Variants in FBF1 observed in about 807,000 individuals in gnomAD.
FBF1 encodes fas-binding factor 1.
A neutral mutation model predicts 147.2 loss-of-function variants in FBF1; 119 were observed. The observed-to-expected ratio is 0.81, with a 90% CI of 0.70 to 0.94. The LOEUF (loss-of-function observed/expected upper bound fraction) is 0.94, where lower values mean the gene tolerates loss of function less well. Ranked by LOEUF, FBF1 falls within the 40% of genes least tolerant of loss-of-function variation. The pLI is 0.00. For synonymous variants in FBF1, 601 were observed against 609.0 expected, an observed-to-expected ratio of 0.99 and a Z score of 0.19; for missense variants, 1,449 against 1,500.8, an observed-to-expected ratio of 0.97 and a Z score of 0.57.
In FBF1 at chr17:75,920,339, T is replaced by G. The variant is rs2065517629; in HGVS notation, c.1765A>C (p.Ser589Arg). Residue 589 changes from serine to arginine, a missense_variant, in exon 18 of 30, where the codon AGC becomes CGC. Ser to Arg is a moderately radical substitution (Grantham distance 110). Coordinates refer to ENST00000636174, the MANE Select transcript of FBF1 (RefSeq NM_001319193.2). Reference sequence around the variant, plus strand: ...AGCTCGGCCTGGAGCTCAGCGGGGCTGCACTGAAGTTGCACCTGTGCTGCC... The same window carrying G: ...AGCTCGGCCTGGAGCTCAGCGGGGCGGCACTGAAGTTGCACCTGTGCTGCC... ...LLAAQVQLQC[S>R]PAELQAELLH... The G allele has an allele frequency of 1.1e-5, 17 of 1,610,034 alleles. No individual in the cohort carries two copies. The East Asian group carries it at 3.8e-4, about 36-fold the overall frequency.
At position 75,925,972 on chromosome 17, in the gene FBF1, A is replaced by G. The variant is rs1316933731; in HGVS notation, c.868+58T>C. The G allele has an allele frequency of 1.3e-6, 2 of 1,531,376 alleles. No homozygotes were observed. Among genetic ancestry groups the G allele is most frequent in the Admixed American group, 4.2e-5 (2 of 47,736 alleles). 94.9% of individuals were successfully genotyped at this position (1,531,376 alleles called of 1,614,324 possible). On this transcript the variant is annotated intron_variant, in intron 12 of 29. Coordinates refer to ENST00000636174, the MANE Select transcript of FBF1 (RefSeq NM_001319193.2). This position sits in a 1 kb window ranked among gnomAD's most constrained non-coding sequence, Gnocchi z 5.0. ...TGATTTCTCATTATAGGTTGTGATG[A>G]AAGCCTGATCTAGAGGCCTCCCTCC...
In FBF1 at chr17:75,937,974, C is replaced by T. The variant is rs1026592374; in HGVS notation, c.3+173G>A. The T allele has an allele frequency of 5.4e-6, 5 of 934,562 alleles. No individual in the cohort carries two copies. The Admixed American group carries it at 6.8e-5, about 13-fold the overall frequency. The allele number at this position is 934,562 out of a possible 1,614,324, so 57.9% of individuals were successfully genotyped here. A position where few individuals can be genotyped will look rare whatever the true frequency, so the allele number is the denominator to read the frequency against. ...TGGACACTCAGAGTCTCAGAAGAAA[C>T]CTTGGTCGTCGAAAGTTTGGTATCA... On this transcript the variant is annotated intron_variant, in intron 2 of 29. Coordinates refer to ENST00000636174, the MANE Select transcript of FBF1 (RefSeq NM_001319193.2).
chr17:75,915,077 C>T lies in FBF1; in HGVS notation c.2568G>A (p.Glu856=). Residue 856 remains glutamate (E), a synonymous_variant, in exon 24 of 30, where the codon GAG becomes GAA. Transcript: ENST00000636174. ...KAESMQRALE[E]QRKVTAQQMA... The stretch of plus-strand genomic sequence containing the variant: ...TCTGCTGGGCCGTGACCTTCCTTTG[C>T]TCCTCTAGGGCGCGCTGCATGGACT... 1 of 1,613,384 alleles carries T rather than the reference C, an allele frequency of 6.2e-7. No homozygotes were observed. The highest frequency in any genetic ancestry group is 8.5e-7 in the Non-Finnish European group (1 of 1,179,864).
In FBF1 at chr17:75,938,220, A is replaced by G; in HGVS notation, c.-71T>C. 1 of 1,602,098 alleles carries G rather than the reference A, an allele frequency of 6.2e-7. No individual in the cohort carries two copies. Among genetic ancestry groups the G allele is most frequent in the Non-Finnish European group, 8.5e-7 (1 of 1,171,090 alleles). On this transcript the variant is annotated 5_prime_UTR_variant, in exon 2 of 30. Transcript: ENST00000636174. ...AGCTCATCTGGATTCTGCCCACATC[A>G]GGCTCATACTCCCTAATGAAGAAAA...
At position 75,909,637 on chromosome 17, in the gene FBF1, T is replaced by C. The variant is rs1048399136; in HGVS notation, c.*1086A>G. The C allele has an allele frequency of 1.4e-5, 8 of 562,362 alleles. No individual in the cohort carries two copies. Among genetic ancestry groups the C allele is most frequent in the East Asian group, 5.6e-5 (2 of 35,530 alleles). 34.8% of individuals were successfully genotyped at this position (562,362 alleles called of 1,614,324 possible). On this transcript the variant is annotated 3_prime_UTR_variant, in exon 30 of 30. Transcript: ENST00000636174. Reference sequence around the variant, plus strand: ...AGTTTCTGCATGTTTGAAGCAGGGCTAATAGTACCCTTCTCCTGGCTGTGG... The same window carrying C: ...AGTTTCTGCATGTTTGAAGCAGGGCCAATAGTACCCTTCTCCTGGCTGTGG...
intron 4 of FBF1, 58 bp from the exon 5 acceptor site, chr17:75,933,146 T>A (rs767578629): frequency 6.6e-5 from 90 of 1,371,662 alleles, no homozygotes; most frequent in Non-Finnish European, 8.6e-5. Flanking sequence ...GGAGTCAAGA[T>A]GCAAAGGCTG....
intron 15 of FBF1, 103 bp downstream of exon 15, chr17:75,921,842 G>GGGGACA: frequency 3.8e-6 from 4 of 1,062,152 alleles, no homozygotes; most frequent in Non-Finnish European, 5.5e-6. Context: ...ACACGGGGAC[G>GGGGACA]GGGCAGGGGC....
rs61736662 is a variant in FBF1 at position 75,913,946 on chromosome 17, C to T, written c.3096G>A (p.Glu1032=). The change falls in exon 27 of 30, where the codon GAG becomes GAA. Residue 1032 remains glutamate (E), a synonymous_variant. Coordinates refer to ENST00000636174, the MANE Select transcript of FBF1 (RefSeq NM_001319193.2). ...TGTGCTGCTCCTGCTTCCGCAGCCG[C>T]TCCTGCTGTTGCTGCACCGCCTGCA... The part of the protein sequence containing the change: ...ARLQAVQQQQ[E]RLRKQEQHMH... 0.042 allele frequency: 65,775 copies of T among 1,550,712 alleles called. 1,648 individuals are homozygous for T. Among genetic ancestry groups the T allele is most frequent in the Middle Eastern group, 0.14 (833 of 5,962 alleles).
chr17:75,915,295 G>T (rs2065482055), intron 23 of FBF1, among the ~76,000 whole-genome samples, 156 bp from the exon 24 acceptor site: 1 of 152,216 alleles, frequency 6.6e-6, no homozygotes, highest in Admixed American at 6.5e-5. Flanking sequence ...TGCCTGGGAG[G>T]CACTGCCAGG....
chr17:75,927,894 C>T (rs1039771878), intron 8 of FBF1, among the ~76,000 whole-genome samples, 182 bp downstream of exon 8: 17 of 152,310 alleles, frequency 1.1e-4, no homozygotes, highest in African/African-American at 4.1e-4. Flanking sequence ...AAGCTGTCCC[C>T]TTACCCCACC....
At chr17:75,937,380 C>T (rs2065631497) in intron 3 of FBF1, among the ~76,000 whole-genome samples, 186 bp downstream of exon 3, 1 of 152,072 alleles carries the variant, frequency 6.6e-6, no homozygotes, top group Non-Finnish European at 1.5e-5. Context: ...TCGTGTTAGC[C>T]AGGATGGTCT....
At chr17:75,937,514 G>A (rs1263878164) in intron 3 of FBF1, 52 bp downstream of exon 3, 1 of 1,599,718 alleles carries the variant, frequency 6.3e-7, no homozygotes, top group Non-Finnish European at 8.6e-7. Context: ...AGGACCAAAG[G>A]GGAAAAAGAT....
At chr17:75,931,040 A>G (rs1050643367) in intron 6 of FBF1, among the ~76,000 whole-genome samples, 189 bp downstream of exon 6, 17 of 151,984 alleles carry the variant, frequency 1.1e-4, no homozygotes, top group Admixed American at 1.0e-3. Context: ...GGTTGCAGTG[A>G]GCCGAGATCA....
rs2065584981 is a variant in FBF1, at chr17:75,930,006, C to G, written c.270G>C (p.Gln90His). ...CAAGCTGTTTCCTTACCTTCATGGC[C>G]TGGAGCAGAGCCTGTGGGTCTGCCT... ...ISEADPQALLQAMKDLDGMDA... is the reference protein window; with the variant it reads ...ISEADPQALLHAMKDLDGMDA... The change falls in exon 7 of 30, where the codon CAG (glutamine) becomes CAC (histidine). Residue 90 changes from glutamine to histidine, a missense_variant. Gln to His is a conservative substitution (Grantham distance 24). Transcript: ENST00000636174. 1.4e-6 allele frequency: 2 copies of G among 1,393,036 alleles called. No individual in the cohort carries two copies. Among genetic ancestry groups the G allele is most frequent in the East Asian group, 7.3e-5 (2 of 27,484 alleles). 86.3% of individuals were successfully genotyped at this position (1,393,036 alleles called of 1,614,324 possible).
At position 75,933,135 on chromosome 17, in the gene FBF1, T is replaced by C. The variant is rs189774184; in HGVS notation, c.74-47A>G. The stretch of plus-strand genomic sequence containing the variant: ...AACGTGTCATTTAACTAAAGGTACC[T>C]GGAGTCAAGATGCAAAGGCTGGCAA... On this transcript the variant is annotated intron_variant, in intron 4 of 29. Transcript: ENST00000636174. 9 of 1,447,064 alleles carry C rather than the reference T, an allele frequency of 6.2e-6. No individual in the cohort carries two copies. In the East Asian group the frequency reaches 7.1e-5, roughly 11 times the overall value. The allele number at this position is 1,447,064 out of a possible 1,614,324, so 89.6% of individuals were successfully genotyped here. A position where few individuals can be genotyped will look rare whatever the true frequency, so the allele number is the denominator to read the frequency against.
Position 75,920,275 on chromosome 17 carries a change from T to A in FBF1, c.1829A>T (p.Gln610Leu). The A allele has an allele frequency of 1.9e-6, 3 of 1,608,840 alleles. No individual in the cohort carries two copies. The highest frequency in any genetic ancestry group is 2.5e-6 in the Non-Finnish European group (3 of 1,177,788). Residue 610 changes from glutamine (Q) to leucine (L), a missense_variant and splice_region_variant, in exon 18 of 30, where the codon CAG becomes CTG. Physicochemically the swap from Gln to Leu is moderately radical, Grantham distance 113. Coordinates refer to ENST00000636174, the MANE Select transcript of FBF1 (RefSeq NM_001319193.2). ...SQARLAELEA[Q>L]VRKLELERAQ... ...ACCAACGGCCCCGCTGCCCCTCACC[T>A]GGGCCTCCAGCTCTGCCAGCCGGGC...
rs1243306208 is a variant in FBF1 at position 75,909,990 on chromosome 17, A to C, written c.*733T>G. ...GCTGGGCTTTGGGCAGGTGAGCAGC[A>C]CAGAGGCTTCCCTCCTCGTCCCTCC... On this transcript the variant is annotated 3_prime_UTR_variant, in exon 30 of 30. Transcript: ENST00000636174. 1.4e-6 allele frequency: 1 copy of C among 689,772 alleles called. No homozygotes were observed. The highest frequency in any genetic ancestry group is 2.7e-5 in the East Asian group (1 of 36,492). The allele number at this position is 689,772 out of a possible 1,614,324, so 42.7% of individuals were successfully genotyped here.
At chr17:75,931,408 G>T in intron 5 of FBF1, 119 bp from the exon 6 acceptor site, 1 of 820,906 alleles carries the variant, frequency 1.2e-6, no homozygotes. Context: ...GAGAACAGAG[G>T]TGCTAAAAGG....
intron 3 of FBF1, among the ~76,000 whole-genome samples, chr17:75,936,179 T>A (rs1014875701): frequency 1.3e-5 from 2 of 152,176 alleles, no homozygotes; most frequent in Non-Finnish European, 2.9e-5. Flanking sequence ...CCAGGTGTGG[T>A]GGCATGTGCC....
Sources: gnomAD v4.1 joint callset for allele counts (sites outside exome capture counted in the v4.1 genomes callset) on GRCh38, gnomAD v4.1.1 for gene constraint, Gnocchi (gnomAD v3.1) non-coding constraint, MANE v1.5 for transcripts, NCBI Gene and HGNC (gene_info 2026-07-23, HGNC 2026-07-21) for gene names.